Variants in RNF220 observed in about 807,000 individuals in gnomAD.
RNF220 encodes the protein ring finger protein 220.
Under a neutral mutation model 67.1 loss-of-function variants are expected in RNF220, and 7 were observed. The observed-to-expected ratio is 0.10, with a 90% CI of 0.06 to 0.20. The LOEUF is 0.20. RNF220 is among the 10% of genes least tolerant of loss of function. The pLI, the probability that RNF220 is intolerant of heterozygous loss-of-function variation, is 1.00. For synonymous variants in RNF220, 270 were observed against 283.2 expected, an observed-to-expected ratio of 0.95 and a Z score of 0.47; for missense variants, 565 against 740.3, an observed-to-expected ratio of 0.76 and a Z score of 2.75.
At chr1:44,432,592 G>A (rs1040809730) in intron 2 of RNF220, among the ~76,000 whole-genome samples, 2 of 140,180 alleles carry the variant, frequency 1.4e-5, no homozygotes, top group South Asian at 4.5e-4. Flanking sequence ...TAGAAGCAGG[G>A]TCTTGCTATG....
chr1:44,441,168 C>T (rs958650099), intron 2 of RNF220, among the ~76,000 whole-genome samples: 3 of 152,154 alleles, frequency 2.0e-5, no homozygotes, highest in Non-Finnish European at 2.9e-5. Flanking sequence ...TAGTGCAATC[C>T]CATCTTGTCC....
intron 2 of RNF220, among the ~76,000 whole-genome samples, chr1:44,425,233 G>A (rs1326813791): frequency 6.6e-6 from 1 of 152,084 alleles, no homozygotes; most frequent in African/African-American, 2.4e-5. Flanking sequence ...TTATGGAGTT[G>A]GGGATGGTAT....
chr1:44,645,128 G>A lies in RNF220; in HGVS notation c.1310+47G>A, dbSNP rs780438320. ...GGCGGGTGGAGCAGAGAAACAGGAA[G>A]CCCTGAGGCAGGGGTTAACGCAGTA... On this transcript the variant is annotated intron_variant, in intron 10 of 14. Coordinates refer to ENST00000361799, the MANE Select transcript of RNF220 (RefSeq NM_018150.4). This position sits in a 1 kb window ranked among gnomAD's most constrained non-coding sequence, Gnocchi z 5.0. 30 of 1,612,456 alleles carry A rather than the reference G, an allele frequency of 1.9e-5. No homozygotes were observed. The highest frequency in any genetic ancestry group is 2.5e-5 in the Non-Finnish European group (29 of 1,178,604).
At chr1:44,545,296 C>A (rs1322322705) in intron 2 of RNF220, among the ~76,000 whole-genome samples, 2 of 152,166 alleles carry the variant, frequency 1.3e-5, no homozygotes, top group African/African-American at 4.8e-5. Context: ...TTAAAAGAAG[C>A]TTTATTGAAG....
intron 2 of RNF220, among the ~76,000 whole-genome samples, chr1:44,529,960 A>C (rs866860984): frequency 1.3e-5 from 2 of 152,050 alleles, no homozygotes; most frequent in African/African-American, 4.8e-5. Flanking sequence ...AGGCTGAGGC[A>C]GGAGAATCGC....
chr1:44,596,765 GCCTCCC>G, intron 2 of RNF220, among the ~76,000 whole-genome samples: 1 of 152,228 alleles, frequency 6.6e-6, no homozygotes, highest in Non-Finnish European at 1.5e-5. Flanking sequence ...GCAGCAGTGA[GCCTCCC>G]CTCCCATCAT....
intron 4 of RNF220, among the ~76,000 whole-genome samples, chr1:44,623,571 T>C (rs533487292): frequency 1.4e-4 from 22 of 152,346 alleles, no homozygotes; most frequent in African/African-American, 5.1e-4. Flanking sequence ...CTGCATCCTT[T>C]TTCCCATAAT....
intron 2 of RNF220, among the ~76,000 whole-genome samples, chr1:44,539,992 CTTTG>C (rs1189730635): frequency 1.3e-5 from 2 of 152,358 alleles, no homozygotes; most frequent in East Asian, 3.9e-4. Flanking sequence ...TGCCAGCTCT[CTTTG>C]AGGGCCTTTT....
chr1:44,451,009 C>G (rs1477798039), intron 2 of RNF220, among the ~76,000 whole-genome samples: 1 of 152,082 alleles, frequency 6.6e-6, no homozygotes, highest in Non-Finnish European at 1.5e-5. Context: ...CAGTGAAACC[C>G]CGTCTCTACT....
intron 2 of RNF220, among the ~76,000 whole-genome samples, chr1:44,451,908 C>T (rs558483788): frequency 4.6e-5 from 7 of 152,190 alleles, no homozygotes; most frequent in East Asian, 1.9e-4. Context: ...CGTGAGCCAC[C>T]GCGCCCAGCC....
chr1:44,520,118 T>A (rs1202754335), intron 2 of RNF220, among the ~76,000 whole-genome samples: 6 of 141,434 alleles, frequency 4.2e-5, no homozygotes, highest in African/African-American at 1.6e-4. Flanking sequence ...TGTGTGTGTG[T>A]GTGTGTGTGT....
At chr1:44,538,919 A>G (rs1356898221) in intron 2 of RNF220, among the ~76,000 whole-genome samples, 8 of 43,612 alleles carry the variant, frequency 1.8e-4, no homozygotes, top group African/African-American at 8.7e-4. Context: ...CCATCTAGGG[A>G]AAAAAAAAAA....
intron 2 of RNF220, among the ~76,000 whole-genome samples, chr1:44,464,754 T>G (rs61562356): frequency 0.06 from 9,102 of 152,296 alleles, 404 homozygotes; most frequent in South Asian, 0.11. Context: ...GACTGCCTCA[T>G]TCCATCTAGA....
rs1433260596 is a variant in RNF220 at position 44,600,272 on chromosome 1, G to A, written c.626-13893G>A. 6.6e-6 allele frequency among the ~76,000 whole-genome samples: 1 copy of A among 152,176 alleles called. No individual in the cohort carries two copies. The highest frequency in any genetic ancestry group is 1.5e-5 in the Non-Finnish European group (1 of 68,030). ...GAGCATCTTCTACGCAGTGTTGTAC[G>A]TGGCTCAGATTGGAGGTACAGGCTG... On this transcript the variant is annotated intron_variant, in intron 2 of 14. Coordinates refer to ENST00000361799, the MANE Select transcript of RNF220 (RefSeq NM_018150.4). This position sits in a 1 kb window ranked among gnomAD's most constrained non-coding sequence, Gnocchi z 4.0.
At chr1:44,433,860 G>C (rs1557921649) in intron 2 of RNF220, among the ~76,000 whole-genome samples, 1 of 152,162 alleles carries the variant, frequency 6.6e-6, no homozygotes, top group Non-Finnish European at 1.5e-5. Context: ...TACTCTGGAG[G>C]CTGAGGCAGA....
At chr1:44,537,817 A>G (rs1558022699) in intron 2 of RNF220, among the ~76,000 whole-genome samples, 1 of 152,166 alleles carries the variant, frequency 6.6e-6, no homozygotes, top group Non-Finnish European at 1.5e-5. Context: ...TTGTGGTGTG[A>G]CCAGCCCGCC....
Position 44,417,678 on chromosome 1 carries a change from C to G in RNF220, c.625+4956C>G, listed in dbSNP as rs1405025044. The stretch of plus-strand genomic sequence containing the variant: ...AATTGTCATGCAGAAGTGATCCGGG[C>G]TGCCGTTTTCTCGCGGCCGCCCGCC... On this transcript the variant is annotated intron_variant, in intron 2 of 14. Coordinates refer to ENST00000361799, the MANE Select transcript of RNF220 (RefSeq NM_018150.4). This position sits in a 1 kb window ranked among gnomAD's most constrained non-coding sequence, Gnocchi z 4.0. Among the ~76,000 whole-genome samples the G allele has an allele frequency of 1.3e-5, 2 of 152,170 alleles. No homozygotes were observed. Among genetic ancestry groups the G allele is most frequent in the African/African-American group, 2.4e-5 (1 of 41,454 alleles).
intron 2 of RNF220, among the ~76,000 whole-genome samples, chr1:44,501,695 C>T (rs1054839945): frequency 6.6e-6 from 1 of 152,110 alleles, no homozygotes; most frequent in Admixed American, 6.5e-5. Context: ...TTCTACTCCA[C>T]CCAAGCACAG....
intron 6 of RNF220, among the ~76,000 whole-genome samples, chr1:44,634,242 T>C (rs754713460): frequency 6.6e-6 from 1 of 152,242 alleles, no homozygotes; most frequent in Non-Finnish European, 1.5e-5. Context: ...GCATTCTAGG[T>C]TGTGAAGTCA....
Sources: allele counts gnomAD v4.1 joint callset (sites outside exome capture counted in the v4.1 genomes callset), GRCh38; gene constraint gnomAD v4.1.1; non-coding constraint Gnocchi (gnomAD v3.1); transcripts MANE v1.5; gene names NCBI Gene and HGNC (gene_info 2026-07-23, HGNC 2026-07-21).